The following NOL4 variants were observed in gnomAD, a reference collection of about 807,000 sequenced individuals.
NOL4 encodes cancer/testis antigen 125.
In NOL4, 17 loss-of-function variants were observed where a neutral mutation model predicts 75.9. The ratio of observed to expected loss-of-function variants is 0.22; its 90% CI spans 0.15 to 0.34. The LOEUF (loss-of-function observed/expected upper bound fraction) is 0.34, where lower values mean the gene tolerates loss of function less well. Ranked by LOEUF, NOL4 falls within the 10% of genes least tolerant of loss-of-function variation. The pLI is 1.00. For synonymous variants in NOL4, 292 were observed against 289.9 expected (o/e 1.01, Z -0.07); for missense variants, 614 against 793.5 (o/e 0.77, Z 2.72).
chr18:34,031,163 C>T lies in NOL4; in HGVS notation c.773-11562G>A, dbSNP rs183944872. On this transcript the variant is annotated intron_variant, in intron 5 of 10. Transcript: ENST00000261592. ...GGAGAATTGTTATTTGATTAATATC[C>T]GGGTGTCTCCCAGGACTCAAGCTCT... Among the ~76,000 whole-genome samples the T allele has an allele frequency of 3.9e-5, 6 of 152,170 alleles. No individual in the cohort carries two copies. In the East Asian group the frequency reaches 5.8e-4, roughly 15 times the overall value.
At position 33,851,725 on chromosome 18, in the gene NOL4, C is replaced by T. The variant is rs1402229399; in HGVS notation, c.*1117G>A. ...GGGTAAAGTATGGGGGATAGGAGGGCACAGTTCATTGTAAGTTGCAGCTGC... is the reference window on the plus strand; with the variant it reads ...GGGTAAAGTATGGGGGATAGGAGGGTACAGTTCATTGTAAGTTGCAGCTGC... On this transcript the variant is annotated 3_prime_UTR_variant, in exon 11 of 11. Transcript: ENST00000261592. The T allele has an allele frequency of 6.6e-6, 1 of 152,380 alleles. No homozygotes were observed. The highest frequency in any genetic ancestry group is 1.5e-5 in the Non-Finnish European group (1 of 67,998). 9.4% of individuals were successfully genotyped at this position (152,380 alleles called of 1,614,324 possible). A position where few individuals can be genotyped will look rare whatever the true frequency, so the allele number is the denominator to read the frequency against.
intron 6 of NOL4, among the ~76,000 whole-genome samples, chr18:33,958,839 A>G (rs2069869189): frequency 6.6e-6 from 1 of 151,918 alleles, no homozygotes. Context: ...ATTACACTTT[A>G]TATAATATTG....
intron 8 of NOL4, among the ~76,000 whole-genome samples, chr18:33,953,674 A>C (rs530260696): frequency 1.3e-5 from 2 of 152,178 alleles, no homozygotes; most frequent in Non-Finnish European, 2.9e-5. Flanking sequence ...TGATAAATGA[A>C]GTGGAATATC....
intron 1 of NOL4, among the ~76,000 whole-genome samples, chr18:34,151,615 A>G (rs1012529151): frequency 1.2e-4 from 18 of 151,896 alleles, no homozygotes; most frequent in Non-Finnish European, 2.4e-4. Flanking sequence ...TCTGTATGAC[A>G]CTATATGGGT....
At chr18:34,034,273 G>C (rs934528660) in intron 5 of NOL4, among the ~76,000 whole-genome samples, 6 of 139,920 alleles carry the variant, frequency 4.3e-5, no homozygotes, top group Non-Finnish European at 8.0e-5. Flanking sequence ...TCACACATCA[G>C]TAACAAGCTT....
intron 5 of NOL4, among the ~76,000 whole-genome samples, chr18:34,053,768 G>T (rs1165689794): frequency 6.6e-6 from 1 of 151,776 alleles, no homozygotes; most frequent in Non-Finnish European, 1.5e-5. Flanking sequence ...TAATTATACT[G>T]ATATAAAAGA....
At chr18:34,068,412 T>A (rs1004375948) in intron 5 of NOL4, among the ~76,000 whole-genome samples, 1 of 152,164 alleles carries the variant, frequency 6.6e-6, no homozygotes, top group Non-Finnish European at 1.5e-5. Context: ...TAATTTTTTA[T>A]TTTTTTGAGA....
At chr18:33,963,850 C>T (rs1246174391) in intron 6 of NOL4, among the ~76,000 whole-genome samples, 2 of 152,146 alleles carry the variant, frequency 1.3e-5, no homozygotes, top group Non-Finnish European at 2.9e-5. Flanking sequence ...GACCTGTTTG[C>T]TTATCTGTAG....
At position 34,141,791 on chromosome 18, in the gene NOL4, A is replaced by C. The variant is rs565322443; in HGVS notation, c.265-11771T>G. On this transcript the variant is annotated intron_variant, in intron 1 of 10. Coordinates refer to ENST00000261592, the MANE Select transcript of NOL4 (RefSeq NM_003787.5). ...GGCATGGGCAAGGACTTCATGTCTA[A>C]AACACCAAAAGCAATGGCAACAAAA... Among the ~76,000 whole-genome samples the C allele has an allele frequency of 2.3e-3, 350 of 152,324 alleles. 1 individual carries two copies. The highest frequency in any genetic ancestry group is 8.0e-3 in the African/African-American group (333 of 41,578).
Position 33,852,018 on chromosome 18 carries a change from A to T in NOL4, c.*824T>A, listed in dbSNP as rs2144082096. ...ACCAAGGTGTGATTTTTTTTCAACA[A>T]CATGTCTTGTCATTATTAAAAAAAA... On this transcript the variant is annotated 3_prime_UTR_variant, in exon 11 of 11. Transcript: ENST00000261592. 1 of 152,460 alleles carries T rather than the reference A, an allele frequency of 6.6e-6. No individual in the cohort carries two copies. The highest frequency in any genetic ancestry group is 2.1e-4 in the South Asian group (1 of 4,820). The allele number at this position is 152,460 out of a possible 1,614,324, so 9.4% of individuals were successfully genotyped here.
At chr18:33,974,179 T>A (rs2071307855) in intron 6 of NOL4, among the ~76,000 whole-genome samples, 3 of 152,190 alleles carry the variant, frequency 2.0e-5, no homozygotes, top group Admixed American at 6.5e-5. Context: ...ATGTTTATGT[T>A]CTGGTGAAGG....
intron 5 of NOL4, among the ~76,000 whole-genome samples, chr18:34,080,346 G>A (rs1189742084): frequency 6.6e-6 from 1 of 152,090 alleles, no homozygotes; most frequent in African/African-American, 2.4e-5. Context: ...AAGATTGTGG[G>A]CCTCTTCTAT....
intron 1 of NOL4, among the ~76,000 whole-genome samples, chr18:34,168,510 A>G (rs140073591): frequency 6.6e-6 from 1 of 151,672 alleles, no homozygotes; most frequent in Non-Finnish European, 1.5e-5. Context: ...AGAAAAACGA[A>G]AAAAACTAGT....
chr18:34,090,986 CAGTATTAAGA>C, intron 5 of NOL4, among the ~76,000 whole-genome samples: 1 of 152,104 alleles, frequency 6.6e-6, no homozygotes, highest in Admixed American at 6.5e-5. Context: ...TCCAGCATAG[CAGTATTAAGA>C]GGTATGGCCT....
intron 6 of NOL4, among the ~76,000 whole-genome samples, chr18:33,980,720 T>C (rs770802494): frequency 2.7e-4 from 41 of 151,980 alleles, no homozygotes; most frequent in Non-Finnish European, 5.3e-4. Flanking sequence ...CCATGAAACA[T>C]CTTACAAATA....
chr18:33,898,343 G>T, intron 9 of NOL4, among the ~76,000 whole-genome samples: 1 of 152,130 alleles, frequency 6.6e-6, no homozygotes, highest in East Asian at 1.9e-4. Flanking sequence ...ATATGTAATA[G>T]TCACTCTCAA....
At chr18:34,047,723 G>A (rs867464791) in intron 5 of NOL4, among the ~76,000 whole-genome samples, 25 of 152,184 alleles carry the variant, frequency 1.6e-4, no homozygotes, top group Non-Finnish European at 3.2e-4. Flanking sequence ...TGCTTCATAA[G>A]AATTGGGGAA....
intron 9 of NOL4, among the ~76,000 whole-genome samples, chr18:33,934,843 G>T (rs770671789): frequency 2.3e-4 from 33 of 144,742 alleles, no homozygotes; most frequent in Non-Finnish European, 4.5e-4. Flanking sequence ...TATCATTCTT[G>T]TGTTCACTGG....
At chr18:33,974,886 G>A (rs570749233) in intron 6 of NOL4, among the ~76,000 whole-genome samples, 1 of 152,138 alleles carries the variant, frequency 6.6e-6, no homozygotes, top group African/African-American at 2.4e-5. Context: ...TGGCTTTACT[G>A]TTCACAGTAT....
Sources: gnomAD v4.1 joint callset for allele counts (sites outside exome capture counted in the v4.1 genomes callset) on GRCh38, gnomAD v4.1.1 for gene constraint, MANE v1.5 for transcripts, NCBI Gene and HGNC (gene_info 2026-07-23, HGNC 2026-07-21) for gene names.